Variants in ZFP82 observed in about 807,000 individuals in gnomAD.
The protein encoded by ZFP82 is ZFP82 zinc finger protein.
A neutral mutation model predicts 54.0 loss-of-function variants in ZFP82; 30 were observed. The ratio of observed to expected loss-of-function variants is 0.56; its 90% confidence interval spans 0.42 to 0.75. ZFP82 has a LOEUF of 0.75. Ranked by LOEUF, ZFP82 falls within the 30% of genes least tolerant of loss-of-function variation. ZFP82 has a pLI of 0.00. For synonymous variants in ZFP82, 194 were observed against 209.5 expected (o/e 0.93, Z 0.64); for missense variants, 500 against 636.8 (o/e 0.79, Z 2.31).
intron 1 of ZFP82, among the ~76,000 whole-genome samples, chr19:36,411,216 A>G (rs1240275595): frequency 1.3e-5 from 2 of 151,866 alleles, no homozygotes; most frequent in Admixed American, 1.3e-4. Flanking sequence ...AAATAAAATC[A>G]TTTGTAGAAA....
At chr19:36,403,519 C>G (rs1442027342) in intron 4 of ZFP82, among the ~76,000 whole-genome samples, 1 of 150,454 alleles carries the variant, frequency 6.6e-6, no homozygotes, top group Non-Finnish European at 1.5e-5. Flanking sequence ...ACTCCAGAGG[C>G]TGAGGCAGAG....
chr19:36,383,471 C>A (rs2032082345), exon 2 of ZFP82: 1 of 151,872 alleles, frequency 6.6e-6, no homozygotes, highest in Non-Finnish European at 1.5e-5. Flanking sequence ...TTATCTCAGA[C>A]CTAGAGTAAA....
At chr19:36,407,828 C>T (rs916244368) in intron 3 of ZFP82, 59 bp downstream of exon 3, 11 of 1,546,996 alleles carry the variant, frequency 7.1e-6, no homozygotes, top group South Asian at 3.6e-5. Context: ...GAAATTTCCA[C>T]AGGAAAAAGC....
rs10695573 is a variant in ZFP82 at position 36,390,331 on chromosome 19, C to CTTTTTTTTTT, written c.*2400_*2409dup. On this transcript the variant is annotated 3_prime_UTR_variant, in exon 5 of 5. Coordinates refer to ENST00000392161, the MANE Select transcript of ZFP82 (RefSeq NM_133466.4). ...TTAAAGTGTAGGATTCCATTTTTGT[C>CTTTTTTTTTT]TTTTTTTTTTTTTTTTTTGACATGT... The CTTTTTTTTTT allele has an allele frequency of 1.5e-5, 2 of 130,686 alleles. No individual in the cohort carries two copies. Among genetic ancestry groups the CTTTTTTTTTT allele is most frequent in the Non-Finnish European group, 3.2e-5 (2 of 63,184 alleles). 8.1% of individuals were successfully genotyped at this position (130,686 alleles called of 1,614,324 possible).
chr19:36,416,054 C>T (rs1330603867), intron 1 of ZFP82, among the ~76,000 whole-genome samples: 1 of 152,132 alleles, frequency 6.6e-6, no homozygotes, highest in Non-Finnish European at 1.5e-5. Context: ...AAATCTCTAG[C>T]TTATTAAGAG....
chr19:36,411,814 G>A (rs2967523), intron 1 of ZFP82, among the ~76,000 whole-genome samples: 101,163 of 149,152 alleles, frequency 0.68, 34,584 homozygotes, highest in African/African-American at 0.75. Flanking sequence ...GCAGTGAGGC[G>A]GGATCATGCC....
At chr19:36,411,690 C>A (rs764508048) in intron 1 of ZFP82, among the ~76,000 whole-genome samples, 1 of 151,652 alleles carries the variant, frequency 6.6e-6, no homozygotes, top group Non-Finnish European at 1.5e-5. Flanking sequence ...ATGGTGAAAC[C>A]CCGTCTCTAC....
chr19:36,398,453 C>T (rs2945956), intron 4 of ZFP82, among the ~76,000 whole-genome samples: 29,906 of 151,454 alleles, frequency 0.2, 3,015 homozygotes, highest in Admixed American at 0.22. Context: ...AGAAGAATCG[C>T]TTGAACCCAG....
intron 1 of ZFP82, among the ~76,000 whole-genome samples, chr19:36,411,152 C>T (rs953984057): frequency 8.6e-5 from 13 of 150,860 alleles, no homozygotes; most frequent in Non-Finnish European, 1.9e-4. Context: ...CGAGATTGCG[C>T]CATTGCACCC....
Position 36,393,968 on chromosome 19 carries a change from T to C in ZFP82, c.372A>G (p.Thr124=). Residue 124 remains threonine (T), a synonymous_variant, in exon 5 of 5, where the codon ACA becomes ACG. Coordinates refer to ENST00000392161, the MANE Select transcript of ZFP82 (RefSeq NM_133466.4). ...GTCTCTCCTGTCCTTCAATTTTTCC[T>C]GTGGATTCCCAATCATTTTTTAAAA... ...GLILKNDWES[T]GKIEGQERPQ... is the part of the protein sequence containing the mutation. 1.2e-6 allele frequency: 2 copies of C among 1,613,792 alleles called. No individual in the cohort carries two copies. Among genetic ancestry groups the C allele is most frequent in the African/African-American group, 1.3e-5 (1 of 75,006 alleles).
In ZFP82 at chr19:36,391,250, A is replaced by T. The variant is rs2032194575; in HGVS notation, c.*1491T>A. Reference sequence around the variant, plus strand: ...TCAATGCATTTGGTTCAGGAAAAAAAAAAGCTCAAAGGTTGGAGTGGTCAT... The same window carrying T: ...TCAATGCATTTGGTTCAGGAAAAAATAAAGCTCAAAGGTTGGAGTGGTCAT... On this transcript the variant is annotated 3_prime_UTR_variant, in exon 5 of 5. Coordinates refer to ENST00000392161, the MANE Select transcript of ZFP82 (RefSeq NM_133466.4). 6.6e-6 allele frequency: 1 copy of T among 152,102 alleles called. No homozygotes were observed. Among genetic ancestry groups the T allele is most frequent in the South Asian group, 2.1e-4 (1 of 4,820 alleles). 9.4% of individuals were successfully genotyped at this position (152,102 alleles called of 1,614,324 possible).
intron 4 of ZFP82, among the ~76,000 whole-genome samples, chr19:36,400,775 C>A (rs2032370110): frequency 1.3e-5 from 2 of 152,160 alleles, no homozygotes; most frequent in South Asian, 4.1e-4. Flanking sequence ...TGCTTTTTAA[C>A]CCATATCCCC....
intron 1 of ZFP82, among the ~76,000 whole-genome samples, chr19:36,412,548 T>C (rs1600110955): frequency 6.6e-6 from 1 of 152,222 alleles, no homozygotes; most frequent in Non-Finnish European, 1.5e-5. Flanking sequence ...TATATAAACA[T>C]GGCTAAACAT....
chr19:36,399,965 T>C (rs926561599), intron 4 of ZFP82, among the ~76,000 whole-genome samples: 2 of 152,116 alleles, frequency 1.3e-5, no homozygotes, highest in Non-Finnish European at 2.9e-5. Flanking sequence ...AATGAGACAA[T>C]GGAAAGGAAG....
chr19:36,400,727 A>G (rs867082888), intron 4 of ZFP82, among the ~76,000 whole-genome samples: 1 of 152,174 alleles, frequency 6.6e-6, no homozygotes, highest in African/African-American at 2.4e-5. Flanking sequence ...AATCATTCCT[A>G]TGAGCACACA....
At position 36,388,959 on chromosome 19, in the gene ZFP82, TTGG is replaced by T. The variant is rs2032148608; in HGVS notation, c.*3779_*3781del. 6.6e-6 allele frequency among the ~76,000 whole-genome samples: 1 copy of T among 152,198 alleles called. No homozygotes were observed. The highest frequency in any genetic ancestry group is 2.4e-5 in the African/African-American group (1 of 41,456). ...AATTTTCTACCAAGTAGAGCTTTGG[TTGG>T]TGATTTCCCCCAAGTTATCTGTAGG... On this transcript the variant is annotated 3_prime_UTR_variant, in exon 5 of 5. Transcript: ENST00000392161.
At chr19:36,384,752 G>C (rs1381416815), downstream of ZFP82, among the ~76,000 whole-genome samples, 1 of 152,146 alleles carries the variant, frequency 6.6e-6, no homozygotes, top group Non-Finnish European at 1.5e-5. Context: ...TGTCCTATTA[G>C]CAAAACCTAA....
chr19:36,410,453 A>G (rs200444469), intron 1 of ZFP82, among the ~76,000 whole-genome samples: 9 of 111,304 alleles, frequency 8.1e-5, no homozygotes, highest in East Asian at 3.0e-4. Flanking sequence ...GTGTGTGTAT[A>G]TGTGTGTGTA....
rs199912102 is a variant in ZFP82, at chr19:36,405,703, T to C, written c.137-31A>G. On this transcript the variant is annotated intron_variant, in intron 3 of 4. Transcript: ENST00000392161. ...TAGAAGAAAAGGAATATAAGGTACA[T>C]GAAAATAAAAAATAAATCAAAATTA... is the stretch of plus-strand genomic sequence containing the variant. 11 of 1,498,604 alleles carry C rather than the reference T, an allele frequency of 7.3e-6. No homozygotes were observed. The African/African-American group carries it at 9.8e-5, about 13-fold the overall frequency. 92.8% of individuals were successfully genotyped at this position (1,498,604 alleles called of 1,614,324 possible). A position where few individuals can be genotyped will look rare whatever the true frequency, so the allele number is the denominator to read the frequency against.
Sources: gnomAD v4.1 joint callset for allele counts (sites outside exome capture counted in the v4.1 genomes callset) on GRCh38, gnomAD v4.1.1 for gene constraint, MANE v1.5 for transcripts, NCBI Gene and HGNC (gene_info 2026-07-23, HGNC 2026-07-21) for gene names.